The following NMNAT1 variants were observed in gnomAD, a reference collection of about 807,000 sequenced individuals.
The protein encoded by NMNAT1 is nicotinamide/nicotinic acid mononucleotide adenylyltransferase 1.
In NMNAT1, 11 loss-of-function variants were observed where a neutral mutation model predicts 16.7. That is an observed-to-expected ratio of 0.66 (90% CI 0.41 to 1.09). The LOEUF is 1.09. Ranked by LOEUF, NMNAT1 falls within the 50% of genes least tolerant of loss-of-function variation. NMNAT1 has a pLI of 0.00. For missense variants in NMNAT1, 280 were observed against 332.3 expected, an observed-to-expected ratio of 0.84 and a Z score of 1.22; for synonymous variants, 110 against 119.8, an observed-to-expected ratio of 0.92 and a Z score of 0.53.
chr1:9,957,247 TCA>T (rs1208206386), intron 1 of NMNAT1, among the ~76,000 whole-genome samples: 1 of 152,206 alleles, frequency 6.6e-6, no homozygotes, highest in Non-Finnish European at 1.5e-5. Context: ...CAGGCTGGTC[TCA>T]CACTCCCAAC....
intron 1 of NMNAT1, among the ~76,000 whole-genome samples, chr1:9,951,453 CA>C (rs1641107176): frequency 6.9e-6 from 1 of 144,720 alleles, no homozygotes; most frequent in South Asian, 2.3e-4. Flanking sequence ...CCAACAGCTT[CA>C]GTTTTTTTTT....
At position 9,981,023 on chromosome 1, in the gene NMNAT1, T is replaced by A. The variant is rs905927938; in HGVS notation, c.300-8T>A. The A allele has an allele frequency of 1.9e-6, 3 of 1,597,254 alleles. No homozygotes were observed. The highest frequency in any genetic ancestry group is 8.5e-7 in the Non-Finnish European group (1 of 1,175,746). Reference sequence around the variant, plus strand: ...AGAGAAATATTCTATTGTTTTGTTGTTTTATAGACACCATCAAGAGAAATT... The same window carrying A: ...AGAGAAATATTCTATTGTTTTGTTGATTTATAGACACCATCAAGAGAAATT... On this transcript the variant is annotated splice_polypyrimidine_tract_variant and splice_region_variant and intron_variant, in intron 3 of 4. Transcript: ENST00000377205.
rs1477372573 is a variant in NMNAT1 at position 9,982,178 on chromosome 1, G to A, written c.440-123G>A. The A allele has an allele frequency of 2.3e-6, 3 of 1,330,330 alleles. No homozygotes were observed. In the African/African-American group the frequency reaches 4.4e-5, roughly 20 times the overall value. The allele number at this position is 1,330,330 out of a possible 1,614,324, so 82.4% of individuals were successfully genotyped here. On this transcript the variant is annotated intron_variant, in intron 4 of 4. Transcript: ENST00000377205. ...GCACTCGGCCTAAGCCCTCATCCTT[G>A]AAAAGCACATACGTATCTTCATTTT...
chr1:9,983,881 C>CA lies in NMNAT1; in HGVS notation c.*1181dup, dbSNP rs1231817875. On this transcript the variant is annotated 3_prime_UTR_variant, in exon 5 of 5. Transcript: ENST00000377205. ...ACTACACCTAGTTCATCTGAAGTGT[C>CA]ACGTAAACTGCAGAAAGTTTCCAAT... 6.6e-6 allele frequency: 1 copy of CA among 152,158 alleles called. No individual in the cohort carries two copies. 9.4% of individuals were successfully genotyped at this position (152,158 alleles called of 1,614,324 possible). A position where few individuals can be genotyped will look rare whatever the true frequency, so the allele number is the denominator to read the frequency against.
intron 1 of NMNAT1, among the ~76,000 whole-genome samples, chr1:9,949,266 C>T (rs1321155521): frequency 7.6e-6 from 1 of 131,690 alleles, no homozygotes; most frequent in Non-Finnish European, 1.6e-5. Flanking sequence ...GACTCTGTCT[C>T]AAAAAAAAAA....
downstream of NMNAT1, among the ~76,000 whole-genome samples, chr1:9,988,891 A>G (rs955286106): frequency 6.6e-6 from 1 of 151,914 alleles, no homozygotes; most frequent in Non-Finnish European, 1.5e-5. Flanking sequence ...TCCTGGCCTC[A>G]AGTGATTCTC....
chr1:9,945,981 T>A (rs1340948505), intron 1 of NMNAT1, among the ~76,000 whole-genome samples: 3 of 152,162 alleles, frequency 2.0e-5, no homozygotes, highest in Non-Finnish European at 4.4e-5. Context: ...TTCAAACTCC[T>A]GGGCTCAAGT....
At chr1:9,988,905 C>T (rs963388746), downstream of NMNAT1, among the ~76,000 whole-genome samples, 1 of 151,990 alleles carries the variant, frequency 6.6e-6, no homozygotes, top group Non-Finnish European at 1.5e-5. Context: ...GATTCTCCCA[C>T]TTCTGCCCCT....
chr1:9,955,091 C>A (rs1232294784), intron 1 of NMNAT1, among the ~76,000 whole-genome samples: 1 of 151,670 alleles, frequency 6.6e-6, no homozygotes, highest in East Asian at 1.9e-4. Context: ...TTGAGACCAG[C>A]CTGACCAACA....
chr1:9,994,064 A>G, the NMNAT1 span, among the ~76,000 whole-genome samples: 1 of 151,296 alleles, frequency 6.6e-6, no homozygotes, highest in Admixed American at 6.6e-5. Flanking sequence ...GGATTTTGCA[A>G]CAAATAATAA....
chr1:9,982,206 T>C, intron 4 of NMNAT1, 95 bp from the exon 5 acceptor site: 1 of 1,447,468 alleles, frequency 6.9e-7, no homozygotes, highest in East Asian at 2.3e-5. Flanking sequence ...TTCATTTTGA[T>C]ACAGTGGGTT....
intron 2 of NMNAT1, among the ~76,000 whole-genome samples, chr1:9,974,426 T>C (rs1641761765): frequency 1.3e-5 from 2 of 149,254 alleles, no homozygotes; most frequent in African/African-American, 4.9e-5. Flanking sequence ...TCTTGCTCTG[T>C]CGCTCAGGCT....
intron 3 of NMNAT1, among the ~76,000 whole-genome samples, chr1:9,976,204 T>C (rs1641809835): frequency 6.6e-6 from 1 of 151,646 alleles, no homozygotes; most frequent in South Asian, 2.1e-4. Context: ...GGAGATACAC[T>C]TGAACCCCGG....
At chr1:9,987,550 G>C (rs1257072020), downstream of NMNAT1, among the ~76,000 whole-genome samples, 2 of 152,002 alleles carry the variant, frequency 1.3e-5, no homozygotes, top group African/African-American at 4.8e-5. Context: ...TGAGGTAGGA[G>C]AATGGCGTGA....
chr1:9,975,556 T>C, intron 2 of NMNAT1, 36 bp from the exon 3 acceptor site: 1 of 1,469,472 alleles, frequency 6.8e-7, no homozygotes, highest in Non-Finnish European at 9.3e-7. Flanking sequence ...AAGTCTAATT[T>C]GTTATACCTA....
intron 3 of NMNAT1, among the ~76,000 whole-genome samples, chr1:9,980,813 C>G (rs1288511302): frequency 6.6e-6 from 1 of 151,630 alleles, no homozygotes; most frequent in Admixed American, 6.6e-5. Context: ...CCCGCCACCA[C>G]ACCCGGCTAA....
intron 1 of NMNAT1, among the ~76,000 whole-genome samples, chr1:9,965,632 A>G (rs1641525292): frequency 6.6e-6 from 1 of 151,892 alleles, no homozygotes; most frequent in Admixed American, 6.6e-5. Context: ...TGAACTCCTG[A>G]CCTCAAGCGA....
intron 1 of NMNAT1, among the ~76,000 whole-genome samples, chr1:9,943,877 A>G (rs1457993352): frequency 6.6e-6 from 1 of 152,158 alleles, no homozygotes; most frequent in Non-Finnish European, 1.5e-5. Context: ...CCAAATCTGT[A>G]AAAGACTACA....
intron 1 of NMNAT1, among the ~76,000 whole-genome samples, chr1:9,960,950 G>T (rs1641389999): frequency 6.6e-6 from 1 of 152,144 alleles, no homozygotes; most frequent in African/African-American, 2.4e-5. Context: ...TTCAGGAAAG[G>T]GACAGACCCT....
Sources: allele counts gnomAD v4.1 joint callset (sites outside exome capture counted in the v4.1 genomes callset), GRCh38; gene constraint gnomAD v4.1.1; transcripts MANE v1.5; gene names NCBI Gene and HGNC (gene_info 2026-07-23, HGNC 2026-07-21).